Variants in CEP131 observed in about 807,000 individuals in gnomAD.
The protein encoded by CEP131 is centrosomal protein of 131 kDa.
Under a neutral mutation model 136.8 loss-of-function variants are expected in CEP131, and 99 were observed. The ratio of observed to expected loss-of-function variants is 0.72; its 90% CI spans 0.62 to 0.86. CEP131 has a LOEUF of 0.86. CEP131 is among the 40% of genes least tolerant of loss of function. The pLI is 0.00. For missense variants in CEP131, 1,459 were observed against 1,463.0 expected (o/e 1.00, Z 0.04); for synonymous variants, 646 against 612.7 (o/e 1.05, Z -0.80).
intron 2 of CEP131, among the ~76,000 whole-genome samples, chr17:81,218,923 C>G (rs2062320142): frequency 6.6e-6 from 1 of 152,246 alleles, no homozygotes; most frequent in South Asian, 2.1e-4. Flanking sequence ...TGGCACGGAC[C>G]TCAGGCAGGG....
At position 81,208,532 on chromosome 17, in the gene CEP131, T is replaced by C. The variant is rs1326941727; in HGVS notation, c.272+396A>G. 6.6e-6 allele frequency among the ~76,000 whole-genome samples: 1 copy of C among 152,136 alleles called. No individual in the cohort carries two copies. Among genetic ancestry groups the C allele is most frequent in the Non-Finnish European group, 1.5e-5 (1 of 68,016 alleles). On this transcript the variant is annotated intron_variant, in intron 3 of 25. Transcript: ENST00000450824. This position sits in a 1 kb window ranked among gnomAD's most constrained non-coding sequence, Gnocchi z 5.6. ...GCAAGGGACAGTGGCAGGGTTTAAGTGGGCAAAGGTGGGAACAGGGGCGCA... is the reference window on the plus strand; with the variant it reads ...GCAAGGGACAGTGGCAGGGTTTAAGCGGGCAAAGGTGGGAACAGGGGCGCA...
chr17:81,211,046 C>T (rs8066658), intron 2 of CEP131, among the ~76,000 whole-genome samples: 140,165 of 152,196 alleles, frequency 0.92, 64,766 homozygotes, highest in Non-Finnish European at 0.96. Context: ...ATCCCACGAG[C>T]GCGTGGGCGC....
intron 21 of CEP131, 40 bp downstream of exon 21, chr17:81,192,278 A>C: frequency 1.3e-6 from 2 of 1,531,552 alleles, no homozygotes; most frequent in Non-Finnish European, 1.8e-6. Flanking sequence ...CACGCAGGGC[A>C]GCCCCCAACC....
At chr17:81,214,686 C>T (rs1171325252) in intron 2 of CEP131, among the ~76,000 whole-genome samples, 1 of 152,126 alleles carries the variant, frequency 6.6e-6, no homozygotes, top group Admixed American at 6.5e-5. Context: ...AACCAGAGCA[C>T]GAGGGAGCAG....
At position 81,208,965 on chromosome 17, in the gene CEP131, T is replaced by A; in HGVS notation, c.235A>T (p.Thr79Ser). Reference protein sequence around the residue: ...AINNLRRSNSTTQVSQPRSGS... With the variant: ...AINNLRRSNSSTQVSQPRSGS... ...CTCCGAGGCTGGCTGACCTGCGTGG[T>A]GCTGTTGGATCTTCTAAGGTTGTTG... is the stretch of plus-strand genomic sequence containing the variant. Residue 79 changes from threonine to serine, a missense_variant, in exon 3 of 26, where the codon ACC becomes TCC. This residue lies in a region of CEP131 where 187 missense variants were observed against 179.9 expected (regional missense o/e 1.04). Transcript: ENST00000450824. This position sits in a 1 kb window ranked among gnomAD's most constrained non-coding sequence, Gnocchi z 5.6. The A allele has an allele frequency of 6.2e-7, 1 of 1,613,996 alleles. No homozygotes were observed. Among genetic ancestry groups the A allele is most frequent in the Non-Finnish European group, 8.5e-7 (1 of 1,179,972 alleles).
chr17:81,202,667 A>C (rs1360634027), intron 6 of CEP131, among the ~76,000 whole-genome samples: 4 of 152,146 alleles, frequency 2.6e-5, no homozygotes, highest in Non-Finnish European at 5.9e-5. Context: ...TTCTCACTAA[A>C]GTTACATTGA....
At chr17:81,192,685 G>GGGGGGGGGGGCCGCCC in intron 19 of CEP131, 51 bp downstream of exon 19, 3 of 478,430 alleles carry the variant, frequency 6.3e-6, no homozygotes, top group Non-Finnish European at 1.2e-5. Context: ...GGGGGGAGGG[G>GGGGGGGGGGGCCGCCC]TCAGCCAGCG....
chr17:81,197,684 G>C, intron 13 of CEP131, 28 bp downstream of exon 13: 1 of 1,590,526 alleles, frequency 6.3e-7, no homozygotes, highest in Non-Finnish European at 8.6e-7. Context: ...TCCCACTGGG[G>C]GCCGGGTGCG....
rs181205181 is a variant in CEP131, at chr17:81,219,419, G to A, written c.177+461C>T. 9.5e-4 allele frequency among the ~76,000 whole-genome samples: 143 copies of A among 150,086 alleles called. No individual in the cohort carries two copies. The highest frequency in any genetic ancestry group is 1.4e-3 in the Non-Finnish European group (94 of 67,752). On this transcript the variant is annotated intron_variant, in intron 2 of 25. Transcript: ENST00000450824. The surrounding 1 kb of genome is among the most constrained non-coding windows in gnomAD (Gnocchi z 4.0). ...AGCAAATCTCCTGCCTCAGCCTCCC[G>A]AGTAGCTAGGATTACAGGCATGCAC...
chr17:81,191,460 C>T (rs928845741), intron 21 of CEP131, 125 bp from the exon 22 acceptor site: 12 of 844,828 alleles, frequency 1.4e-5, no homozygotes, highest in Non-Finnish European at 2.1e-5. Flanking sequence ...CCTTCCCCCT[C>T]TCCAGACCCC....
chr17:81,191,450 C>A (rs1045598080), intron 21 of CEP131, 115 bp from the exon 22 acceptor site: 11 of 954,270 alleles, frequency 1.2e-5, no homozygotes, highest in Non-Finnish European at 1.5e-5. Flanking sequence ...GAGCAAGGGG[C>A]CTTCCCCCTC....
At chr17:81,199,077 C>A in intron 10 of CEP131, 106 bp from the exon 11 acceptor site, 1 of 1,155,022 alleles carries the variant, frequency 8.7e-7, no homozygotes, top group South Asian at 1.6e-5. Context: ...GCGGAGGCGA[C>A]CCCAGAAGCA....
At chr17:81,218,813 C>T (rs2062317671) in intron 2 of CEP131, among the ~76,000 whole-genome samples, 1 of 152,244 alleles carries the variant, frequency 6.6e-6, no homozygotes, top group African/African-American at 2.4e-5. Context: ...AGGTCCAAGC[C>T]TTTTATTCAC....
At chr17:81,192,430 C>T (rs545348813) in intron 20 of CEP131, 38 bp from the exon 21 acceptor site, 58 of 1,611,648 alleles carry the variant, frequency 3.6e-5, no homozygotes, top group East Asian at 3.1e-4. Flanking sequence ...AGTCCCACCC[C>T]GTGCAGCCCC....
chr17:81,196,571 T>C, intron 15 of CEP131, 130 bp downstream of exon 15: 1 of 1,354,934 alleles, frequency 7.4e-7, no homozygotes, highest in East Asian at 2.5e-5. Context: ...AGGCTTGGAA[T>C]GCGTCCAGCG....
In CEP131 at chr17:81,198,912, G is replaced by A. The variant is rs142671114; in HGVS notation, c.1252C>T (p.Pro418Ser). The A allele has an allele frequency of 6.8e-5, 109 of 1,593,294 alleles. No individual in the cohort carries two copies. In the African/African-American group the frequency reaches 1.3e-3, roughly 19 times the overall value. ...DRCLPTSDSS[P>S]EPQQPPEDRT... The stretch of plus-strand genomic sequence containing the variant: ...TCCTCTGGAGGCTGCTGTGGTTCTG[G>A]GGATGAGTCGGAGGTGGGCAGGCAG... The change falls in exon 11 of 26, where the codon CCA becomes TCA. Residue 418 changes from proline (P) to serine (S), a missense_variant. Physicochemically the swap from Pro to Ser is moderately conservative, Grantham distance 74. Transcript: ENST00000450824.
In CEP131 at chr17:81,214,027, G is replaced by C. The variant is rs368477740; in HGVS notation, c.178-5005C>G. On this transcript the variant is annotated intron_variant, in intron 2 of 25. Transcript: ENST00000450824. ...AAACTCACAGCCCAAACAAGCCTGA[G>C]ACCCACAGCCCAAAAATCATGTGGG... is the stretch of plus-strand genomic sequence containing the variant. 1.9e-3 allele frequency among the ~76,000 whole-genome samples: 285 copies of C among 152,294 alleles called. 2 individuals are homozygous for C. Among genetic ancestry groups the C allele is most frequent in the Middle Eastern group, 0.014 (4 of 294 alleles).
rs1363127254 is a variant in CEP131 at position 81,199,760 on chromosome 17, G to A, written c.982C>T (p.Arg328Trp). ...CTGGCTTGGCGTGCCTTCTCCTCCC[G>A]GGCCTTCCTCCTGGCTGCCTCTTTC... ...QQKEAARRKA[R>W]EEKARQARRA... The change falls in exon 9 of 26, where the codon CGG becomes TGG. Residue 328 changes from arginine to tryptophan, a missense_variant. This residue lies in a region of CEP131 where 246 missense variants were observed against 318.9 expected (regional missense o/e 0.77). Transcript: ENST00000450824. The A allele has an allele frequency of 5.6e-6, 9 of 1,611,206 alleles. No homozygotes were observed. The highest frequency in any genetic ancestry group is 3.3e-5 in the South Asian group (3 of 91,084).
rs1237016313 is a variant in CEP131, at chr17:81,198,850, T to G, written c.1287+27A>C. ...TGGCCCTTAAAGCCAAAAACCATGA[T>G]GGAGTGAAGGACAGCTGTGCTCAGA... On this transcript the variant is annotated intron_variant, in intron 11 of 25. Coordinates refer to ENST00000450824, the MANE Select transcript of CEP131 (RefSeq NM_014984.4). 4 of 1,557,344 alleles carry G rather than the reference T, an allele frequency of 2.6e-6. No individual in the cohort carries two copies. The South Asian group carries it at 4.7e-5, about 18-fold the overall frequency.
Sources: gnomAD v4.1 joint callset for allele counts (sites outside exome capture counted in the v4.1 genomes callset) on GRCh38, gnomAD v4.1.1 for gene constraint, gnomAD v4.1.1 regional missense constraint, Gnocchi (gnomAD v3.1) non-coding constraint, MANE v1.5 for transcripts, NCBI Gene and HGNC (gene_info 2026-07-23, HGNC 2026-07-21) for gene names.